The following B4GALT5 variants were observed in gnomAD, a reference collection of about 807,000 sequenced individuals.
The protein encoded by B4GALT5 is beta-1,4-galactosyltransferase 5.
Under a neutral mutation model 45.0 loss-of-function variants are expected in B4GALT5, and 11 were observed. That is an observed-to-expected ratio of 0.24 (90% confidence interval 0.15 to 0.40). The LOEUF is 0.40. Among genes scored for constraint, B4GALT5 ranks in the 10% least tolerant of loss-of-function variants. B4GALT5 has a pLI of 1.00. For synonymous variants in B4GALT5, 185 were observed against 182.9 expected (o/e 1.01, Z -0.09); for missense variants, 337 against 500.2 (o/e 0.67, Z 3.11).
intron 1 of B4GALT5, among the ~76,000 whole-genome samples, chr20:49,710,069 T>C (rs2085901246): frequency 6.6e-6 from 1 of 152,232 alleles, no homozygotes; most frequent in Non-Finnish European, 1.5e-5. Flanking sequence ...GGTTACAGTA[T>C]ACATGGACAA....
rs560852198 is a variant in B4GALT5, at chr20:49,660,853, T to C, written c.116-4151A>G. ...AGATTTTAAAAATACTAGCCGAGTG[T>C]GGTAGTGTGCGCCTGTAGTCCCAGC... is the stretch of plus-strand genomic sequence containing the variant. On this transcript the variant is annotated intron_variant, in intron 1 of 8. Coordinates refer to ENST00000371711, the MANE Select transcript of B4GALT5 (RefSeq NM_004776.4). Among the ~76,000 whole-genome samples the C allele has an allele frequency of 1.2e-4, 18 of 152,292 alleles. No homozygotes were observed. The East Asian group carries it at 3.1e-3, about 26-fold the overall frequency.
intron 1 of B4GALT5, among the ~76,000 whole-genome samples, chr20:49,678,523 G>A (rs1185393254): frequency 1.3e-5 from 2 of 152,094 alleles, no homozygotes; most frequent in African/African-American, 4.8e-5. Context: ...TGCCTCTGAA[G>A]GACAAGCCTC....
chr20:49,687,699 T>C (rs1197732347), intron 1 of B4GALT5, among the ~76,000 whole-genome samples: 1 of 152,068 alleles, frequency 6.6e-6, no homozygotes, highest in African/African-American at 2.4e-5. Flanking sequence ...CGATTCCCTA[T>C]AAACTGAATA....
At chr20:49,680,481 C>T (rs1348573278) in intron 1 of B4GALT5, among the ~76,000 whole-genome samples, 1 of 152,154 alleles carries the variant, frequency 6.6e-6, no homozygotes, top group East Asian at 1.9e-4. Context: ...TGAAAACATG[C>T]TAAGTGAACT....
intron 1 of B4GALT5, among the ~76,000 whole-genome samples, chr20:49,713,117 G>C (rs2085925250): frequency 6.6e-6 from 1 of 151,616 alleles, no homozygotes; most frequent in African/African-American, 2.4e-5. Context: ...GGCGGCCTGG[G>C]ACCCGGGCAC....
chr20:49,658,141 C>T (rs768528781), intron 1 of B4GALT5, among the ~76,000 whole-genome samples: 7 of 152,024 alleles, frequency 4.6e-5, no homozygotes, highest in Admixed American at 6.6e-5. Context: ...CTGGCACCGT[C>T]GGAGAATAGA....
At chr20:49,686,598 G>A (rs534601575) in intron 1 of B4GALT5, among the ~76,000 whole-genome samples, 2 of 152,052 alleles carry the variant, frequency 1.3e-5, no homozygotes, top group East Asian at 3.9e-4. Context: ...AGTAAAAAAT[G>A]AAGCTGGGCC....
Position 49,633,437 on chromosome 20 carries a change from C to CTGTTTTTTT in B4GALT5, c.*2866_*2874dup, listed in dbSNP as rs1984427083. 8.2e-6 allele frequency: 1 copy of CTGTTTTTTT among 121,928 alleles called. No homozygotes were observed. Among genetic ancestry groups the CTGTTTTTTT allele is most frequent in the South Asian group, 2.3e-4 (1 of 4,336 alleles). 7.6% of individuals were successfully genotyped at this position (121,928 alleles called of 1,614,324 possible). On this transcript the variant is annotated 3_prime_UTR_variant, in exon 9 of 9. Coordinates refer to ENST00000371711, the MANE Select transcript of B4GALT5 (RefSeq NM_004776.4). ...ATATGCACAAGGTCACATTTGGTTC[C>CTGTTTTTTT]TGTTTTTTTTTTTAACATGACAATT...
At chr20:49,686,885 C>A (rs147637763) in intron 1 of B4GALT5, among the ~76,000 whole-genome samples, 1 of 151,648 alleles carries the variant, frequency 6.6e-6, no homozygotes, top group African/African-American at 2.4e-5. Context: ...GGTGACACAG[C>A]GAGACCCCAT....
At chr20:49,666,750 G>C (rs1303265847) in intron 1 of B4GALT5, among the ~76,000 whole-genome samples, 1 of 152,230 alleles carries the variant, frequency 6.6e-6, no homozygotes, top group Non-Finnish European at 1.5e-5. Flanking sequence ...TGCCATGCTA[G>C]AGTATCTGCA....
rs2085758579 is a variant in B4GALT5, at chr20:49,680,231, A to G, written c.116-23529T>C. Among the ~76,000 whole-genome samples the G allele has an allele frequency of 1.3e-5, 2 of 152,218 alleles. 1 individual carries two copies. The highest frequency in any genetic ancestry group is 4.1e-4 in the South Asian group (2 of 4,832). ...CTGCATGGGCTGAAGAGCCATTTCA[A>G]CAAGCTCTTGGAGTGTTCTGGACAC... On this transcript the variant is annotated intron_variant, in intron 1 of 8. Coordinates refer to ENST00000371711, the MANE Select transcript of B4GALT5 (RefSeq NM_004776.4).
chr20:49,673,661 A>T (rs2085725143), intron 1 of B4GALT5, among the ~76,000 whole-genome samples: 1 of 152,226 alleles, frequency 6.6e-6, no homozygotes, highest in South Asian at 2.1e-4. Context: ...GCTAAGATCA[A>T]GTATTGAAAA....
Position 49,684,268 on chromosome 20 carries a change from T to TA in B4GALT5, c.116-27567dup, listed in dbSNP as rs1213930220. Among the ~76,000 whole-genome samples the TA allele has an allele frequency of 2.3e-3, 345 of 149,764 alleles. 1 individual carries two copies. Among genetic ancestry groups the TA allele is most frequent in the African/African-American group, 7.5e-3 (307 of 40,838 alleles). On this transcript the variant is annotated intron_variant, in intron 1 of 8. Coordinates refer to ENST00000371711, the MANE Select transcript of B4GALT5 (RefSeq NM_004776.4). Reference sequence around the variant, plus strand: ...TGTTCATTCAGAATTTACTTTAATTTAAAAAAAAAGTTGGCTGGGCGCGGT... The same window carrying TA: ...TGTTCATTCAGAATTTACTTTAATTTAAAAAAAAAAGTTGGCTGGGCGCGGT...
chr20:49,649,097 GGCTGCCTACTCTGC>G (rs919552683), intron 2 of B4GALT5, among the ~76,000 whole-genome samples: 6 of 152,068 alleles, frequency 3.9e-5, no homozygotes, highest in South Asian at 2.1e-4. Flanking sequence ...ATATGCACAC[GGCTGCCTACTCTGC>G]GCTGCCTACT....
intron 1 of B4GALT5, among the ~76,000 whole-genome samples, chr20:49,662,558 A>C (rs2085669432): frequency 6.6e-6 from 1 of 152,148 alleles, no homozygotes; most frequent in African/African-American, 2.4e-5. Flanking sequence ...ATGGAGATGG[A>C]TTTCAAGCCC....
At chr20:49,639,259 G>T (rs2085565998) in intron 7 of B4GALT5, among the ~76,000 whole-genome samples, 1 of 152,164 alleles carries the variant, frequency 6.6e-6, no homozygotes, top group Admixed American at 6.5e-5. Flanking sequence ...GGAGAAAAAT[G>T]AAAATAGCTG....
intron 2 of B4GALT5, 71 bp downstream of exon 2, chr20:49,656,497 T>C: frequency 6.3e-7 from 1 of 1,577,326 alleles, no homozygotes. Context: ...TTGAAAATAA[T>C]TATTGCAACC....
chr20:49,680,109 ATAT>A (rs2085758075), intron 1 of B4GALT5, among the ~76,000 whole-genome samples: 1 of 152,212 alleles, frequency 6.6e-6, no homozygotes, highest in South Asian at 2.1e-4. Context: ...TTAAAATGCC[ATAT>A]AATAAAATCC....
chr20:49,652,691 T>C (rs1319874451), intron 2 of B4GALT5, among the ~76,000 whole-genome samples: 2 of 152,304 alleles, frequency 1.3e-5, no homozygotes, highest in Non-Finnish European at 2.9e-5. Context: ...TATTTCCAGG[T>C]TCACAGACCC....
Sources: allele counts gnomAD v4.1 joint callset (sites outside exome capture counted in the v4.1 genomes callset), GRCh38; gene constraint gnomAD v4.1.1; transcripts MANE v1.5; gene names NCBI Gene and HGNC (gene_info 2026-07-23, HGNC 2026-07-21).